Variants in PRKN observed in about 807,000 individuals in gnomAD.
PRKN encodes E3 ubiquitin-protein ligase parkin.
PRKN carries 56 observed loss-of-function variants against 59.5 expected under a neutral mutation model. The observed-to-expected ratio is 0.94, with a 90% confidence interval of 0.76 to 1.18. The LOEUF (loss-of-function observed/expected upper bound fraction) is 1.18, where lower values mean the gene tolerates loss of function less well. PRKN is among the 50% of genes most tolerant of loss of function. The pLI, the probability that PRKN is intolerant of heterozygous loss-of-function variation, is 0.00. For synonymous variants in PRKN, 250 were observed against 222.1 expected (o/e 1.13, Z -1.12); for missense variants, 657 against 596.4 (o/e 1.10, Z -1.06).
chr6:162,108,389 G>T (rs1241810739), intron 4 of PRKN, among the ~76,000 whole-genome samples: 1 of 152,162 alleles, frequency 6.6e-6, no homozygotes, highest in Non-Finnish European at 1.5e-5. Flanking sequence ...TCTAGATCAT[G>T]TGTGTATTTA....
At chr6:161,927,517 T>C (rs1174831910) in intron 6 of PRKN, among the ~76,000 whole-genome samples, 1 of 152,176 alleles carries the variant, frequency 6.6e-6, no homozygotes, top group Non-Finnish European at 1.5e-5. Context: ...TTAATTATAT[T>C]TGAATTAGAA....
chr6:162,177,895 C>T (rs193294848), intron 4 of PRKN, among the ~76,000 whole-genome samples: 2 of 152,292 alleles, frequency 1.3e-5, no homozygotes, highest in South Asian at 2.1e-4. Flanking sequence ...ATTGTCAGTG[C>T]CCCCGGATGT....
intron 3 of PRKN, among the ~76,000 whole-genome samples, chr6:162,250,186 A>G (rs1213630940): frequency 4.1e-5 from 4 of 96,408 alleles, no homozygotes; most frequent in African/African-American, 5.2e-5. Context: ...ATTATTTATA[A>G]GGGGGGGGGC....
At chr6:162,470,900 G>C (rs1791700268) in intron 1 of PRKN, among the ~76,000 whole-genome samples, 1 of 150,270 alleles carries the variant, frequency 6.7e-6, no homozygotes, top group South Asian at 2.1e-4. Flanking sequence ...GGTATTACAG[G>C]TGTGCGCCAC....
intron 1 of PRKN, among the ~76,000 whole-genome samples, chr6:162,647,289 A>C (rs1318331577): frequency 6.6e-6 from 1 of 152,106 alleles, no homozygotes; most frequent in African/African-American, 2.4e-5. Flanking sequence ...TTATAAATTA[A>C]ATTTCAAAAT....
intron 6 of PRKN, among the ~76,000 whole-genome samples, chr6:161,788,344 G>C (rs1239778315): frequency 6.6e-6 from 1 of 152,168 alleles, no homozygotes; most frequent in South Asian, 2.1e-4. Flanking sequence ...AGGGACATTA[G>C]GGAAAGTTTA....
intron 1 of PRKN, among the ~76,000 whole-genome samples, chr6:162,514,856 T>C (rs928412959): frequency 1.3e-5 from 2 of 152,170 alleles, no homozygotes; most frequent in African/African-American, 4.8e-5. Context: ...AAAACTATAA[T>C]TTTTCTTTAA....
At chr6:162,369,250 T>C (rs1026936196) in intron 2 of PRKN, among the ~76,000 whole-genome samples, 3 of 152,188 alleles carry the variant, frequency 2.0e-5, no homozygotes, top group South Asian at 2.1e-4. Context: ...AATTGGCAAA[T>C]GTCATTTCAC....
intron 1 of PRKN, among the ~76,000 whole-genome samples, chr6:162,473,408 T>C (rs1345756703): frequency 6.6e-6 from 1 of 152,176 alleles, no homozygotes; most frequent in Non-Finnish European, 1.5e-5. Flanking sequence ...ATCAGTTTTG[T>C]CCAAATGCAT....
chr6:162,686,249 G>T (rs532105352), intron 1 of PRKN, among the ~76,000 whole-genome samples: 69 of 152,268 alleles, frequency 4.5e-4, no homozygotes, highest in African/African-American at 1.6e-3. Context: ...TAAAGGGTCA[G>T]ATTCTTCCAG....
At chr6:162,624,556 T>C (rs1782809744) in intron 1 of PRKN, 1 of 152,162 alleles carries the variant, frequency 6.6e-6, no homozygotes, top group South Asian at 2.1e-4. Flanking sequence ...ACAGCAGACT[T>C]GTACAGCTTG....
intron 8 of PRKN, among the ~76,000 whole-genome samples, chr6:161,568,322 G>A (rs1258070230): frequency 6.6e-6 from 1 of 152,246 alleles, no homozygotes; most frequent in African/African-American, 2.4e-5. Flanking sequence ...GGCTGGGCGT[G>A]ATGGCTCACG....
At chr6:162,596,439 A>T (rs1781496883) in intron 1 of PRKN, among the ~76,000 whole-genome samples, 1 of 152,216 alleles carries the variant, frequency 6.6e-6, no homozygotes. Flanking sequence ...TATTTACTAT[A>T]ATTTGATAAG....
At position 161,561,761 on chromosome 6, in the gene PRKN, A is replaced by G. The variant is rs1780463201; in HGVS notation, c.933+7594T>C. Among the ~76,000 whole-genome samples the G allele has an allele frequency of 6.6e-6, 1 of 152,262 alleles. No homozygotes were observed. Among genetic ancestry groups the G allele is most frequent in the East Asian group, 1.9e-4 (1 of 5,178 alleles). On this transcript the variant is annotated intron_variant, in intron 8 of 11. Coordinates refer to ENST00000366898, the MANE Select transcript of PRKN (RefSeq NM_004562.3). This position sits in a 1 kb window ranked among gnomAD's most constrained non-coding sequence, Gnocchi z 5.0. ...TCTGTGGAATCCTTCCTGTGAGTGT[A>G]AAACAAGTTCTGGCCCTTCGATCTT... is the stretch of plus-strand genomic sequence containing the variant.
At chr6:161,450,473 A>T (rs143504601) in intron 9 of PRKN, among the ~76,000 whole-genome samples, 47 of 152,340 alleles carry the variant, frequency 3.1e-4, no homozygotes, top group African/African-American at 1.1e-3. Flanking sequence ...TGGTGTTTCC[A>T]ATGCCCAATT....
At chr6:161,760,165 T>A (rs1003309519) in intron 7 of PRKN, among the ~76,000 whole-genome samples, 3 of 119,892 alleles carry the variant, frequency 2.5e-5, no homozygotes, top group African/African-American at 9.3e-5. Flanking sequence ...TTTTCCTCAA[T>A]TTAATTAGTT....
chr6:161,732,485 T>TTTGTG (rs1554298360), intron 7 of PRKN, among the ~76,000 whole-genome samples: 56 of 146,504 alleles, frequency 3.8e-4, no homozygotes, highest in African/African-American at 1.4e-3. Context: ...TTTTTTTTTT[T>TTTGTG]TGTGTGTGTG....
intron 7 of PRKN, among the ~76,000 whole-genome samples, chr6:161,650,050 T>C (rs1784095834): frequency 6.6e-6 from 1 of 152,160 alleles, no homozygotes; most frequent in Non-Finnish European, 1.5e-5. Flanking sequence ...CAACATCTAC[T>C]GTGATGACGC....
chr6:162,401,314 A>G (rs1013484338), intron 2 of PRKN, among the ~76,000 whole-genome samples: 4 of 152,086 alleles, frequency 2.6e-5, no homozygotes, highest in African/African-American at 9.6e-5. Flanking sequence ...AAAAAAACCT[A>G]TGCAGATACT....
Sources: allele counts gnomAD v4.1 joint callset (sites outside exome capture counted in the v4.1 genomes callset), GRCh38; gene constraint gnomAD v4.1.1; non-coding constraint Gnocchi (gnomAD v3.1); transcripts MANE v1.5; gene names NCBI Gene and HGNC (gene_info 2026-07-23, HGNC 2026-07-21).